NCAM2: variants seen among roughly 807,000 people sequenced by gnomAD.
NCAM2 encodes N-CAM-2.
In NCAM2, 30 loss-of-function variants were observed where a neutral mutation model predicts 98.1. The ratio of observed to expected loss-of-function variants is 0.31; its 90% confidence interval spans 0.23 to 0.41. The LOEUF (loss-of-function observed/expected upper bound fraction) is 0.41, where lower values mean the gene tolerates loss of function less well. Among genes scored for constraint, NCAM2 ranks in the 10% least tolerant of loss-of-function variants. The pLI is 1.00. For missense variants in NCAM2, 867 were observed against 1,005.8 expected (o/e 0.86, Z 1.87); for synonymous variants, 368 against 342.4 (o/e 1.07, Z -0.83).
At chr21:21,083,953 G>A (rs1018876295) in intron 1 of NCAM2, among the ~76,000 whole-genome samples, 5 of 152,258 alleles carry the variant, frequency 3.3e-5, no homozygotes, top group East Asian at 1.9e-4. Context: ...AGTGGATGGT[G>A]TCTTAGGCCA....
Position 21,177,131 on chromosome 21 carries a change from C to T in NCAM2, c.56-103447C>T, listed in dbSNP as rs574055208. 2.6e-5 allele frequency among the ~76,000 whole-genome samples: 4 copies of T among 152,186 alleles called. No homozygotes were observed. The South Asian group carries it at 8.3e-4, about 32-fold the overall frequency. On this transcript the variant is annotated intron_variant, in intron 1 of 17. Transcript: ENST00000400546. ...GTAGGAGCAATTGTGAAAGTTATCT[C>T]CCAGTGAACTTTTTTTATTCAAGAA...
At chr21:21,027,943 G>A (rs1042943791) in intron 1 of NCAM2, among the ~76,000 whole-genome samples, 1 of 150,232 alleles carries the variant, frequency 6.7e-6, no homozygotes, top group East Asian at 2.0e-4. Flanking sequence ...TGCAACCTCC[G>A]CCTCCTGGGT....
Position 21,477,463 on chromosome 21 carries a change from T to A in NCAM2, c.2069T>A (p.Ile690Asn). ...TTCAGCATGCCACCAAAGCCCAACA[T>A]TATTAAAGGTAAGCAAAACTATATT... ...YEFSMPPKPN[I>N]IKDTLFNGLG... Residue 690 changes from isoleucine (I) to asparagine (N), a missense_variant, in exon 15 of 18, where the codon ATT becomes AAT. Transcript: ENST00000400546. 6.3e-7 allele frequency: 1 copy of A among 1,590,648 alleles called. No individual in the cohort carries two copies. The highest frequency in any genetic ancestry group is 8.6e-7 in the Non-Finnish European group (1 of 1,165,666).
chr21:21,012,658 G>A (rs573669798), intron 1 of NCAM2, among the ~76,000 whole-genome samples: 62 of 152,092 alleles, frequency 4.1e-4, no homozygotes, highest in African/African-American at 1.3e-3. Flanking sequence ...AAATATAGGC[G>A]CAGTTTATTT....
At chr21:21,453,795 A>G (rs911862673) in intron 12 of NCAM2, among the ~76,000 whole-genome samples, 1 of 152,238 alleles carries the variant, frequency 6.6e-6, no homozygotes, top group Middle Eastern at 3.4e-3. Context: ...CATCTTTACT[A>G]GTTCTCAAAA....
At chr21:21,401,058 C>A (rs539773378) in intron 9 of NCAM2, among the ~76,000 whole-genome samples, 3 of 152,126 alleles carry the variant, frequency 2.0e-5, no homozygotes, top group Non-Finnish European at 4.4e-5. Context: ...AAGGTCACAT[C>A]TTTTCTACTT....
At chr21:21,332,533 T>C (rs114743679) in intron 6 of NCAM2, among the ~76,000 whole-genome samples, 1,885 of 152,308 alleles carry the variant, frequency 0.012, 43 homozygotes, top group African/African-American at 0.043. Context: ...TTATATTTTC[T>C]AATGGTTCTT....
At chr21:21,196,540 G>A (rs1325506719) in intron 1 of NCAM2, among the ~76,000 whole-genome samples, 1 of 152,182 alleles carries the variant, frequency 6.6e-6, no homozygotes, top group Admixed American at 6.5e-5. Context: ...GACATAAGAT[G>A]TATGGATCTC....
intron 1 of NCAM2, among the ~76,000 whole-genome samples, chr21:21,188,195 G>T (rs1045513451): frequency 6.6e-6 from 1 of 152,172 alleles, no homozygotes; most frequent in Non-Finnish European, 1.5e-5. Flanking sequence ...GACTGGGAAA[G>T]TGAGCATGAA....
intron 1 of NCAM2, among the ~76,000 whole-genome samples, chr21:21,228,459 C>A (rs2070479760): frequency 6.6e-6 from 1 of 151,066 alleles, no homozygotes; most frequent in Non-Finnish European, 1.5e-5. Context: ...AAGTATGTTT[C>A]TGTTAGAGAA....
At chr21:21,308,198 A>G (rs892619017) in intron 5 of NCAM2, among the ~76,000 whole-genome samples, 8 of 152,156 alleles carry the variant, frequency 5.3e-5, no homozygotes, top group Non-Finnish European at 1.0e-4. Context: ...TTATCTACAT[A>G]GTTACTATTC....
At chr21:21,246,361 G>C (rs1439498055) in intron 1 of NCAM2, among the ~76,000 whole-genome samples, 1 of 152,068 alleles carries the variant, frequency 6.6e-6, no homozygotes, top group Non-Finnish European at 1.5e-5. Flanking sequence ...TGTTGTTTTA[G>C]GTGATTATTT....
At position 21,373,745 on chromosome 21, in the gene NCAM2, C is replaced by G. The variant is rs776276307; in HGVS notation, c.1045-118C>G. On this transcript the variant is annotated intron_variant, in intron 8 of 17. Coordinates refer to ENST00000400546, the MANE Select transcript of NCAM2 (RefSeq NM_004540.5). ...CAAGAAATACTTTCTACATCAGGAA[C>G]AGTTTCTTTTTTCTTTTTGCCAGAG... The G allele has an allele frequency of 3.6e-5, 32 of 887,028 alleles. 1 individual carries two copies. The highest frequency in any genetic ancestry group is 5.2e-5 in the Non-Finnish European group (32 of 618,102). The allele number at this position is 887,028 out of a possible 1,614,324, so 54.9% of individuals were successfully genotyped here.
intron 1 of NCAM2, among the ~76,000 whole-genome samples, chr21:21,277,134 C>T (rs1386668950): frequency 6.6e-6 from 1 of 152,042 alleles, no homozygotes; most frequent in Non-Finnish European, 1.5e-5. Context: ...TTCTTAGATT[C>T]CTGATATCCT....
At chr21:21,048,829 G>C (rs946827288) in intron 1 of NCAM2, among the ~76,000 whole-genome samples, 1 of 152,052 alleles carries the variant, frequency 6.6e-6, no homozygotes, top group African/African-American at 2.4e-5. Flanking sequence ...TACAGAGTTT[G>C]ACTCTTTTCG....
intron 9 of NCAM2, among the ~76,000 whole-genome samples, chr21:21,396,923 G>A (rs933605505): frequency 1.3e-5 from 2 of 152,142 alleles, no homozygotes; most frequent in African/African-American, 4.8e-5. Flanking sequence ...TAGGGGGCAT[G>A]TTTCAGTCCT....
chr21:21,252,456 T>C (rs1234069341), intron 1 of NCAM2, among the ~76,000 whole-genome samples: 1 of 151,396 alleles, frequency 6.6e-6, no homozygotes, highest in Non-Finnish European at 1.5e-5. Flanking sequence ...ATATACGATA[T>C]AATCTAATCA....
chr21:21,301,344 C>G (rs947055970), intron 5 of NCAM2, among the ~76,000 whole-genome samples: 1 of 145,188 alleles, frequency 6.9e-6, no homozygotes, highest in Non-Finnish European at 1.5e-5. Flanking sequence ...CTTAGGTTTT[C>G]TTTTAGGATT....
intron 1 of NCAM2, among the ~76,000 whole-genome samples, chr21:21,094,821 A>AG (rs1383819371): frequency 6.6e-6 from 1 of 151,784 alleles, no homozygotes; most frequent in African/African-American, 2.4e-5. Context: ...ATGAAGATTT[A>AG]AGAAAATTTG....
Sources: gnomAD v4.1 joint callset for allele counts (sites outside exome capture counted in the v4.1 genomes callset) on GRCh38, gnomAD v4.1.1 for gene constraint, MANE v1.5 for transcripts, NCBI Gene and HGNC (gene_info 2026-07-23, HGNC 2026-07-21) for gene names.